ASCL1: variants seen among roughly 807,000 people sequenced by gnomAD.
ASCL1 encodes achaete-scute homolog 1.
ASCL1 carries 2 observed loss-of-function variants against 16.1 expected under a neutral mutation model. The observed-to-expected ratio is 0.12, with a 90% CI of 0.05 to 0.39. ASCL1 has a LOEUF of 0.39. Ranked by LOEUF, ASCL1 falls within the 10% of genes least tolerant of loss-of-function variation. The pLI is 0.99. For synonymous variants in ASCL1, 165 were observed against 155.7 expected (o/e 1.06, Z -0.45); for missense variants, 276 against 336.9 (o/e 0.82, Z 1.41).
chr12:102,959,048 C>T, intron 1 of ASCL1, 46 bp downstream of exon 1: 2 of 1,565,886 alleles, frequency 1.3e-6, no homozygotes, highest in South Asian at 2.3e-5. Context: ...TTGCCTTCGT[C>T]CTCCCTCTGA....
At chr12:102,959,205 G>C (rs1880041795) in intron 1 of ASCL1, among the ~76,000 whole-genome samples, 157 bp from the exon 2 acceptor site, 1 of 152,124 alleles carries the variant, frequency 6.6e-6, no homozygotes, top group South Asian at 2.1e-4. Context: ...AAGGAGTGAA[G>C]GGTAGTAGTG....
chr12:102,958,462 A>G lies in ASCL1; in HGVS notation c.218A>G (p.Gln73Arg). Residue 73 changes from glutamine to arginine, a missense_variant, in exon 1 of 2, where the codon CAG becomes CGG. Gln to Arg is a conservative substitution (Grantham distance 43). Transcript: ENST00000266744. ...APQLRPAADG[Q>R]PSGGGHKSAP... ...CAGCTGAGACCGGCGGCCGACGGCC[A>G]GCCCTCAGGGGGCGGTCACAAGTCA... is the stretch of plus-strand genomic sequence containing the variant. The G allele has an allele frequency of 6.4e-7, 1 of 1,567,184 alleles. No homozygotes were observed.
intron 1 of ASCL1, 128 bp downstream of exon 1, chr12:102,959,130 C>T (rs1438198292): frequency 1.3e-5 from 14 of 1,103,642 alleles, no homozygotes; most frequent in South Asian, 6.4e-5. Context: ...GAAAGTTGGT[C>T]GATTTCAAGT....
Position 102,960,134 on chromosome 12 carries a change from C to T in ASCL1, c.*820C>T, listed in dbSNP as rs1343575340. 4 of 152,566 alleles carry T rather than the reference C, an allele frequency of 2.6e-5. No individual in the cohort carries two copies. The highest frequency in any genetic ancestry group is 1.5e-5 in the Non-Finnish European group (1 of 68,032). The allele number at this position is 152,566 out of a possible 1,614,324, so 9.5% of individuals were successfully genotyped here. A position where few individuals can be genotyped will look rare whatever the true frequency, so the allele number is the denominator to read the frequency against. ...TATCTTGATACTTTAACATGTAATG[C>T]TATTACCTCTGCATATTTTAGATGT... On this transcript the variant is annotated 3_prime_UTR_variant, in exon 2 of 2. Coordinates refer to ENST00000266744, the MANE Select transcript of ASCL1 (RefSeq NM_004316.4).
At position 102,958,593 on chromosome 12, in the gene ASCL1, C is replaced by A. The variant is rs1880017424; in HGVS notation, c.349C>A (p.Pro117Thr). 6.2e-7 allele frequency: 1 copy of A among 1,610,042 alleles called. No homozygotes were observed. ...TGGCTACAGCCTGCCGCAGCAGCAG[C>A]CGGCCGCCGTGGCGCGCCGCAACGA... is the stretch of plus-strand genomic sequence containing the variant. Reference protein sequence around the residue: ...GFGYSLPQQQPAAVARRNERE... With the variant: ...GFGYSLPQQQTAAVARRNERE... Residue 117 changes from proline (P) to threonine (T), a missense_variant, in exon 1 of 2, where the codon CCG (proline) becomes ACG (threonine). By Grantham distance (38) the Pro-to-Thr change is conservative (BLOSUM62 -1). Around this residue, in one of 3 missense-constraint regions of ASCL1, gnomAD observed 178 missense variants for 167.0 expected, o/e 1.07. Transcript: ENST00000266744.
rs377727008 is a variant in ASCL1 at position 102,958,523 on chromosome 12, G to T, written c.279G>T (p.Ser93=). 9 of 1,608,242 alleles carry T rather than the reference G, an allele frequency of 5.6e-6. No homozygotes were observed. The highest frequency in any genetic ancestry group is 7.6e-6 in the Non-Finnish European group (9 of 1,177,690). Reference sequence around the variant, plus strand: ...AAGTCAAGCGACAGCGCTCGTCTTCGCCCGAACTGATGCGCTGCAAACGCC... The same window carrying T: ...AAGTCAAGCGACAGCGCTCGTCTTCTCCCGAACTGATGCGCTGCAAACGCC... ...PKQVKRQRSS[S]PELMRCKRRL... is the part of the protein sequence containing the mutation. Residue 93 remains serine, a synonymous_variant, in exon 1 of 2, where the codon TCG becomes TCT. Transcript: ENST00000266744.
rs1163367372 is a variant in ASCL1, at chr12:102,957,676, C to T, written c.-569C>T. 1 of 152,548 alleles carries T rather than the reference C, an allele frequency of 6.6e-6. No homozygotes were observed. Among genetic ancestry groups the T allele is most frequent in the Non-Finnish European group, 1.5e-5 (1 of 68,198 alleles). The allele number at this position is 152,548 out of a possible 1,614,324, so 9.4% of individuals were successfully genotyped here. ...AGGCGGACGCACTCCGGCAGCCCAG[C>T]ACTCTCTCACTTCTGGCCAGGGAAC... On this transcript the variant is annotated 5_prime_UTR_variant, in exon 1 of 2. Coordinates refer to ENST00000266744, the MANE Select transcript of ASCL1 (RefSeq NM_004316.4). This position sits in a 1 kb window ranked among gnomAD's most constrained non-coding sequence, Gnocchi z 4.1.
At position 102,959,358 on chromosome 12, in the gene ASCL1, A is replaced by G; in HGVS notation, c.*48-4A>G. 1 of 175,650 alleles carries G rather than the reference A, an allele frequency of 5.7e-6. No homozygotes were observed. The highest frequency in any genetic ancestry group is 1.5e-4 in the South Asian group (1 of 6,582). The allele number at this position is 175,650 out of a possible 1,614,324, so 10.9% of individuals were successfully genotyped here. On this transcript the variant is annotated splice_region_variant and splice_polypyrimidine_tract_variant and intron_variant, in intron 1 of 1. Coordinates refer to ENST00000266744, the MANE Select transcript of ASCL1 (RefSeq NM_004316.4). ...CCTCTCCTGTTCTTTTCCTTATGTTATAGGGTGATCGCACAACCTGCATCT... is the reference window on the plus strand; with the variant it reads ...CCTCTCCTGTTCTTTTCCTTATGTTGTAGGGTGATCGCACAACCTGCATCT...
rs773815339 is a variant in ASCL1, at chr12:102,958,457, C to G, written c.213C>G (p.Asp71Glu). 6.4e-7 allele frequency: 1 copy of G among 1,562,238 alleles called. No individual in the cohort carries two copies. Among genetic ancestry groups the G allele is most frequent in the Non-Finnish European group, 8.7e-7 (1 of 1,155,482 alleles). ...QQAPQLRPAA[D>E]GQPSGGGHKS... Reference sequence around the variant, plus strand: ...CGCCGCAGCTGAGACCGGCGGCCGACGGCCAGCCCTCAGGGGGCGGTCACA... The same window carrying G: ...CGCCGCAGCTGAGACCGGCGGCCGAGGGCCAGCCCTCAGGGGGCGGTCACA... Residue 71 changes from aspartate (D) to glutamate (E), a missense_variant, in exon 1 of 2, where the codon GAC becomes GAG. Physicochemically the swap from Asp to Glu is conservative, Grantham distance 45. Transcript: ENST00000266744.
rs753938038 is a variant in ASCL1, at chr12:102,958,280, C to T, written c.36C>T (p.Ala12=). Residue 12 remains alanine, a synonymous_variant, in exon 1 of 2, where the codon GCC becomes GCT. Transcript: ENST00000266744. The part of the protein sequence containing the change: ...ESSAKMESGG[A]GQQPQPQPQQ... ...CTGCCAAGATGGAGAGCGGCGGCGC[C>T]GGCCAGCAGCCCCAGCCGCAGCCCC... 7 of 1,475,306 alleles carry T rather than the reference C, an allele frequency of 4.7e-6. No homozygotes were observed. In the East Asian group the frequency reaches 1.2e-4, roughly 25 times the overall value. The allele number at this position is 1,475,306 out of a possible 1,614,324, so 91.4% of individuals were successfully genotyped here.
At chr12:102,959,114 A>C (rs1880038466) in intron 1 of ASCL1, 112 bp downstream of exon 1, 1 of 1,240,196 alleles carries the variant, frequency 8.1e-7, no homozygotes, top group African/African-American at 1.5e-5. Flanking sequence ...TATTTAAAGA[A>C]TTTGTGAAAG....
chr12:102,958,461 C>A lies in ASCL1; in HGVS notation c.217C>A (p.Gln73Lys). 1 of 1,567,488 alleles carries A rather than the reference C, an allele frequency of 6.4e-7. No homozygotes were observed. The highest frequency in any genetic ancestry group is 8.6e-7 in the Non-Finnish European group (1 of 1,157,832). Residue 73 changes from glutamine (Q) to lysine (K), a missense_variant, in exon 1 of 2, where the codon CAG (glutamine) becomes AAG (lysine). This residue lies in a region of ASCL1 where 178 missense variants were observed against 167.0 expected (regional missense o/e 1.07). Transcript: ENST00000266744. ...APQLRPAADG[Q>K]PSGGGHKSAP... ...GCAGCTGAGACCGGCGGCCGACGGC[C>A]AGCCCTCAGGGGGCGGTCACAAGTC...
chr12:102,958,202 C>T lies in ASCL1; in HGVS notation c.-43C>T, dbSNP rs1211622221. ...CCCTCGCGGGCCCCGCACCTCGCGT[C>T]CCGGATCGCTCTGATTCCGCGACTC... On this transcript the variant is annotated 5_prime_UTR_variant, in exon 1 of 2. Transcript: ENST00000266744. 7.0e-7 allele frequency: 1 copy of T among 1,420,306 alleles called. No homozygotes were observed. The highest frequency in any genetic ancestry group is 9.2e-7 in the Non-Finnish European group (1 of 1,088,000). 88.0% of individuals were successfully genotyped at this position (1,420,306 alleles called of 1,614,324 possible).
At position 102,958,603 on chromosome 12, in the gene ASCL1, T is replaced by C. The variant is rs1880018189; in HGVS notation, c.359T>C (p.Val120Ala). ...YSLPQQQPAA[V>A]ARRNERERNR... ...CTGCCGCAGCAGCAGCCGGCCGCCG[T>C]GGCGCGCCGCAACGAGCGCGAGCGC... is the stretch of plus-strand genomic sequence containing the variant. Residue 120 changes from valine to alanine, a missense_variant, in exon 1 of 2, where the codon GTG (valine) becomes GCG (alanine). Physicochemically the swap from Val to Ala is moderately conservative, Grantham distance 64. Around this residue, in one of 3 missense-constraint regions of ASCL1, gnomAD observed 30 missense variants for 83.2 expected, o/e 0.36. Coordinates refer to ENST00000266744, the MANE Select transcript of ASCL1 (RefSeq NM_004316.4). 6.2e-7 allele frequency: 1 copy of C among 1,611,290 alleles called. No individual in the cohort carries two copies. The highest frequency in any genetic ancestry group is 8.5e-7 in the Non-Finnish European group (1 of 1,178,860).
At position 102,958,892 on chromosome 12, in the gene ASCL1, G is replaced by A. The variant is rs1248269688; in HGVS notation, c.648G>A (p.Glu216=). The part of the protein sequence containing the change: ...GSPVSSYSSD[E]GSYDPLSPEE... Reference sequence around the variant, plus strand: ...CGGTCTCATCCTACTCGTCGGACGAGGGCTCTTACGACCCGCTCAGCCCCG... The same window carrying A: ...CGGTCTCATCCTACTCGTCGGACGAAGGCTCTTACGACCCGCTCAGCCCCG... The change falls in exon 1 of 2, where the codon GAG becomes GAA. Residue 216 remains glutamate, a synonymous_variant. Coordinates refer to ENST00000266744, the MANE Select transcript of ASCL1 (RefSeq NM_004316.4). 3.1e-6 allele frequency: 5 copies of A among 1,613,856 alleles called. No homozygotes were observed. Among genetic ancestry groups the A allele is most frequent in the South Asian group, 2.2e-5 (2 of 91,090 alleles).
At position 102,959,345 on chromosome 12, in the gene ASCL1, T is replaced by C; in HGVS notation, c.*48-17T>C. The C allele has an allele frequency of 7.9e-6, 2 of 252,762 alleles. No homozygotes were observed. The highest frequency in any genetic ancestry group is 5.3e-5 in the South Asian group (1 of 18,920). The allele number at this position is 252,762 out of a possible 1,614,324, so 15.7% of individuals were successfully genotyped here. A position where few individuals can be genotyped will look rare whatever the true frequency, so the allele number is the denominator to read the frequency against. ...ACGTTCAAATTAACCTCTCCTGTTC[T>C]TTTCCTTATGTTATAGGGTGATCGC... On this transcript the variant is annotated splice_polypyrimidine_tract_variant and intron_variant, in intron 1 of 1. Coordinates refer to ENST00000266744, the MANE Select transcript of ASCL1 (RefSeq NM_004316.4).
intron 1 of ASCL1, 125 bp downstream of exon 1, chr12:102,959,127 G>C (rs900452902): frequency 6.0e-6 from 7 of 1,162,532 alleles, no homozygotes; most frequent in Non-Finnish European, 8.3e-6. Context: ...TGTGAAAGTT[G>C]GTCGATTTCA....
rs1055324639 is a variant in ASCL1, at chr12:102,959,020, G to T, written c.*47+18G>T. ...GGAAGCAGGTAGGTTGCATTTTGGG[G>T]TGGGCAGGGGGGTATTCTTGCCTTC... On this transcript the variant is annotated intron_variant, in intron 1 of 1. Transcript: ENST00000266744. 2.1e-5 allele frequency: 34 copies of T among 1,608,392 alleles called. No homozygotes were observed. The highest frequency in any genetic ancestry group is 2.7e-5 in the Non-Finnish European group (32 of 1,178,724).
intron 1 of ASCL1, 81 bp downstream of exon 1, chr12:102,959,083 C>T: frequency 7.2e-7 from 1 of 1,394,046 alleles, no homozygotes; most frequent in Non-Finnish European, 9.8e-7. Flanking sequence ...GGGGATGTCT[C>T]CAAGGAGATA....
Sources: gnomAD v4.1 joint callset for allele counts (sites outside exome capture counted in the v4.1 genomes callset) on GRCh38, gnomAD v4.1.1 for gene constraint, gnomAD v4.1.1 regional missense constraint, Gnocchi (gnomAD v3.1) non-coding constraint, MANE v1.5 for transcripts, NCBI Gene and HGNC (gene_info 2026-07-23, HGNC 2026-07-21) for gene names.